Variants in MEF2D observed in about 807,000 individuals in gnomAD.
The protein encoded by MEF2D is myocyte-specific enhancer factor 2D.
MEF2D carries 10 observed loss-of-function variants against 59.3 expected under a neutral mutation model. The observed-to-expected ratio is 0.17, with a 90% confidence interval of 0.10 to 0.29. The LOEUF (loss-of-function observed/expected upper bound fraction) is 0.29. Ranked by LOEUF, MEF2D falls within the 10% of genes least tolerant of loss-of-function variation. MEF2D has a pLI of 1.00. For missense variants in MEF2D, 508 were observed against 699.4 expected (o/e 0.73, Z 3.09); for synonymous variants, 305 against 295.0 (o/e 1.03, Z -0.35).
At chr1:156,495,339 T>C (rs1673067940) in intron 1 of MEF2D, among the ~76,000 whole-genome samples, 1 of 152,098 alleles carries the variant, frequency 6.6e-6, no homozygotes, top group South Asian at 2.1e-4. Context: ...AGCTTAAAAG[T>C]CACTTACATC....
intron 5 of MEF2D, 71 bp downstream of exon 5, chr1:156,479,515 T>TG: frequency 6.5e-7 from 1 of 1,529,542 alleles, no homozygotes; most frequent in South Asian, 1.2e-5. Flanking sequence ...TACTTGCTGT[T>TG]GAAAATGGAA....
In MEF2D at chr1:156,468,576, C is replaced by G. The variant is rs1671018255; in HGVS notation, c.1247+204G>C. On this transcript the variant is annotated intron_variant, in intron 10 of 11. Transcript: ENST00000348159. This position sits in a 1 kb window ranked among gnomAD's most constrained non-coding sequence, Gnocchi z 4.3. ...CTCCCACCCCCTACCCTGGGGCTGG[C>G]TCTCAGAAGGGGTTCAGGGTGAGCC... Among the ~76,000 whole-genome samples the G allele has an allele frequency of 1.3e-5, 2 of 152,116 alleles. No homozygotes were observed. Among genetic ancestry groups the G allele is most frequent in the Non-Finnish European group, 1.5e-5 (1 of 68,004 alleles).
In MEF2D at chr1:156,464,696, T is replaced by G. The variant is rs1245242141; in HGVS notation, c.*2949A>C. ...CAAGAGAAACCTTCGGATACTGAAC[T>G]GCAGAAATGTCACATATTCACAGAC... On this transcript the variant is annotated 3_prime_UTR_variant, in exon 12 of 12. Transcript: ENST00000348159. 1 of 152,082 alleles carries G rather than the reference T, an allele frequency of 6.6e-6. No homozygotes were observed. Among genetic ancestry groups the G allele is most frequent in the Non-Finnish European group, 1.5e-5 (1 of 68,028 alleles). The allele number at this position is 152,082 out of a possible 1,614,324, so 9.4% of individuals were successfully genotyped here. A position where few individuals can be genotyped will look rare whatever the true frequency, so the allele number is the denominator to read the frequency against.
intron 9 of MEF2D, among the ~76,000 whole-genome samples, chr1:156,469,882 A>G (rs549408002): frequency 8.1e-4 from 122 of 150,508 alleles, no homozygotes; most frequent in Middle Eastern, 3.4e-3. Flanking sequence ...TCTCAAAAAG[A>G]AAAAAAAAAT....
intron 1 of MEF2D, among the ~76,000 whole-genome samples, chr1:156,496,869 G>C (rs1406009670): frequency 6.6e-6 from 1 of 152,160 alleles, no homozygotes; most frequent in South Asian, 2.1e-4. Flanking sequence ...TTCTCCCACA[G>C]CTCCAGGACA....
At chr1:156,471,229 C>T (rs185569309) in intron 9 of MEF2D, among the ~76,000 whole-genome samples, 46 of 152,220 alleles carry the variant, frequency 3.0e-4, no homozygotes, top group South Asian at 2.5e-3. Flanking sequence ...CTCCCAGGTT[C>T]AAGCGCTTTT....
intron 6 of MEF2D, among the ~76,000 whole-genome samples, chr1:156,478,417 T>G (rs4450010): frequency 0.55 from 83,790 of 151,976 alleles, 25,002 homozygotes; most frequent in East Asian, 0.73. Context: ...GGCAGGAATG[T>G]CAGGGTGACG....
intron 1 of MEF2D, among the ~76,000 whole-genome samples, chr1:156,497,316 G>A (rs1673186250): frequency 6.6e-6 from 1 of 152,242 alleles, no homozygotes; most frequent in Non-Finnish European, 1.5e-5. Context: ...TGATGCTGAG[G>A]TTGTGCCGGC....
chr1:156,469,600 A>AC lies in MEF2D; in HGVS notation c.1007-581_1007-580insG, dbSNP rs1557876286. 1.5e-4 allele frequency among the ~76,000 whole-genome samples: 16 copies of AC among 109,830 alleles called. No homozygotes were observed. The East Asian group carries it at 2.0e-3, about 14-fold the overall frequency. The allele number at this position is 109,830 out of a possible 152,430, so 72.1% of individuals were successfully genotyped here. On this transcript the variant is annotated intron_variant, in intron 9 of 11. Transcript: ENST00000348159. ...AATAGTGTTGAACTTAAAAAAAAAAAAAAAAACAGCTGGGCGAGTGGCTCA... is the reference window on the plus strand; with the variant it reads ...AATAGTGTTGAACTTAAAAAAAAAAACAAAAAACAGCTGGGCGAGTGGCTCA...
intron 4 of MEF2D, 57 bp downstream of exon 4, chr1:156,480,777 C>A (rs769975314): frequency 1.2e-6 from 2 of 1,604,590 alleles, no homozygotes. Context: ...TTGTGCAGCG[C>A]CTGGGGGGAA....
At chr1:156,481,457 T>C (rs1364866268) in intron 3 of MEF2D, among the ~76,000 whole-genome samples, 63 of 151,702 alleles carry the variant, frequency 4.2e-4, no homozygotes, top group Non-Finnish European at 2.9e-5. Context: ...GAAATAGAGA[T>C]GGAGACAGAG....
At position 156,475,098 on chromosome 1, in the gene MEF2D, G is replaced by C; in HGVS notation, c.1006+10C>G. ...AAGTGCACACATGCACATGTCACAT[G>C]AACACTCACCTGTGTTGTAGGCAGT... On this transcript the variant is annotated intron_variant, in intron 9 of 11. Transcript: ENST00000348159. 7 of 1,614,068 alleles carry C rather than the reference G, an allele frequency of 4.3e-6. No homozygotes were observed. Among genetic ancestry groups the C allele is most frequent in the Non-Finnish European group, 5.9e-6 (7 of 1,179,988 alleles).
intron 9 of MEF2D, among the ~76,000 whole-genome samples, chr1:156,471,754 G>A (rs937008040): frequency 3.3e-5 from 5 of 152,260 alleles, no homozygotes; most frequent in African/African-American, 7.2e-5. Context: ...TGCAGCCAAG[G>A]ACTGTAAACA....
chr1:156,494,777 T>C (rs1055834440), intron 1 of MEF2D, among the ~76,000 whole-genome samples: 1 of 152,164 alleles, frequency 6.6e-6, no homozygotes, highest in Non-Finnish European at 1.5e-5. Context: ...CACACAGAGA[T>C]GGGCAGGGAC....
At chr1:156,480,236 G>C (rs1284152289) in intron 4 of MEF2D, among the ~76,000 whole-genome samples, 1 of 151,100 alleles carries the variant, frequency 6.6e-6, no homozygotes, top group Non-Finnish European at 1.5e-5. Context: ...CTGCTGCAGA[G>C]AGAGCTCACC....
At chr1:156,483,613 G>A (rs1016300217) in intron 1 of MEF2D, among the ~76,000 whole-genome samples, 183 bp from the exon 2 acceptor site, 6 of 152,240 alleles carry the variant, frequency 3.9e-5, no homozygotes, top group Non-Finnish European at 8.8e-5. Flanking sequence ...ACAAGCTGGA[G>A]CTCACACCAA....
intron 9 of MEF2D, among the ~76,000 whole-genome samples, chr1:156,469,675 G>A (rs1232057004): frequency 1.3e-5 from 2 of 151,618 alleles, no homozygotes; most frequent in African/African-American, 4.8e-5. Flanking sequence ...GACCACTTGA[G>A]CCCAGAGTTT....
intron 1 of MEF2D, chr1:156,499,409 G>A (rs1673341045): frequency 6.6e-6 from 1 of 152,184 alleles, no homozygotes; most frequent in Non-Finnish European, 1.5e-5. Context: ...GGCAGAGGGA[G>A]GCTCCCATTC....
In MEF2D at chr1:156,482,451, C is replaced by T. The variant is rs773831080; in HGVS notation, c.244G>A (p.Ala82Thr). Reference protein sequence around the residue: ...YNEPHESRTNADIIETLRKKG... With the variant: ...YNEPHESRTNTDIIETLRKKG... ...TATGGGCCCACCTCGATGATGTCGG[C>T]GTTGGTGCGGCTCTCGTGTGGCTCA... is the stretch of plus-strand genomic sequence containing the variant. The change falls in exon 3 of 12, where the codon GCC (alanine) becomes ACC (threonine). Residue 82 changes from alanine to threonine, a missense_variant. Around this residue, in one of 2 missense-constraint regions of MEF2D, gnomAD observed 27 missense variants for 114.8 expected, o/e 0.24. Transcript: ENST00000348159. 2.0e-5 allele frequency: 33 copies of T among 1,613,950 alleles called. No individual in the cohort carries two copies. The highest frequency in any genetic ancestry group is 4.0e-5 in the African/African-American group (3 of 74,918).
Sources: gnomAD v4.1 joint callset for allele counts (sites outside exome capture counted in the v4.1 genomes callset) on GRCh38, gnomAD v4.1.1 for gene constraint, gnomAD v4.1.1 regional missense constraint, Gnocchi (gnomAD v3.1) non-coding constraint, MANE v1.5 for transcripts, NCBI Gene and HGNC (gene_info 2026-07-23, HGNC 2026-07-21) for gene names.